TGFBR2: variants seen among roughly 807,000 people sequenced by gnomAD.
The protein encoded by TGFBR2 is transforming growth factor beta receptor 2, also known as TGF-beta receptor type-2.
A neutral mutation model predicts 49.0 loss-of-function variants in TGFBR2; 18 were observed. The ratio of observed to expected loss-of-function variants is 0.37; its 90% CI spans 0.25 to 0.54. TGFBR2 has a LOEUF of 0.54. Ranked by LOEUF, TGFBR2 falls within the 20% of genes least tolerant of loss-of-function variation. The probability of loss-of-function intolerance (pLI) is 0.85; values close to 1 mark genes in which losing one functional copy is unlikely to be tolerated. For synonymous variants in TGFBR2, 282 were observed against 275.9 expected, an observed-to-expected ratio of 1.02 and a Z score of -0.22; for missense variants, 525 against 722.6, an observed-to-expected ratio of 0.73 and a Z score of 3.13.
intron 2 of TGFBR2, among the ~76,000 whole-genome samples, chr3:30,645,950 A>T (rs1219996983): frequency 6.6e-6 from 1 of 152,214 alleles, no homozygotes; most frequent in East Asian, 1.9e-4. Flanking sequence ...CATGAACAAG[A>T]AATAACCTTG....
Position 30,614,302 on chromosome 3 carries a change from T to A in TGFBR2, c.94+7325T>A, listed in dbSNP as rs72849333. On this transcript the variant is annotated intron_variant, in intron 1 of 6. Coordinates refer to ENST00000295754, the MANE Select transcript of TGFBR2 (RefSeq NM_003242.6). ...CTTTAAAGAAAACAAGGAAAAAGGC[T>A]TCTCAGTGCTTTAGAAGATATAAGA... 7.5e-3 allele frequency among the ~76,000 whole-genome samples: 1,138 copies of A among 152,230 alleles called. 22 individuals are homozygous for A. Among genetic ancestry groups the A allele is most frequent in the African/African-American group, 0.026 (1,084 of 41,536 alleles).
In TGFBR2 at chr3:30,642,459, T is replaced by C. The variant is rs182497012; in HGVS notation, c.95-2288T>C. Among the ~76,000 whole-genome samples the C allele has an allele frequency of 1.9e-3, 288 of 152,334 alleles. 1 individual carries two copies. Among genetic ancestry groups the C allele is most frequent in the Admixed American group, 4.6e-3 (70 of 15,288 alleles). ...TCAGTTACCTTCCAGAAAAATTAAA[T>C]CAGACTATCTGGGAGTGGGACCCCT... On this transcript the variant is annotated intron_variant, in intron 1 of 6. Coordinates refer to ENST00000295754, the MANE Select transcript of TGFBR2 (RefSeq NM_003242.6).
intron 2 of TGFBR2, among the ~76,000 whole-genome samples, chr3:30,645,613 G>A (rs1252828793): frequency 6.6e-6 from 1 of 151,578 alleles, no homozygotes; most frequent in Non-Finnish European, 1.5e-5. Flanking sequence ...AGCCTTTCGA[G>A]TAGCTGGGAT....
intron 1 of TGFBR2, among the ~76,000 whole-genome samples, chr3:30,642,704 C>T (rs953762692): frequency 1.6e-4 from 24 of 152,076 alleles, no homozygotes; most frequent in African/African-American, 5.3e-4. Context: ...ATAAACAAAA[C>T]GTGGTTTCAC....
intron 1 of TGFBR2, among the ~76,000 whole-genome samples, chr3:30,639,258 C>T (rs764975504): frequency 3.9e-5 from 6 of 152,162 alleles, no homozygotes; most frequent in Non-Finnish European, 8.8e-5. Flanking sequence ...TTCGTGTGTA[C>T]TTGGCTAGGT....
intron 1 of TGFBR2, among the ~76,000 whole-genome samples, chr3:30,630,701 G>A (rs1698418626): frequency 6.6e-6 from 1 of 152,154 alleles, no homozygotes; most frequent in Non-Finnish European, 1.5e-5. Context: ...CGGAGATTTG[G>A]GGGAAGTGAT....
At chr3:30,680,170 A>G (rs891867029) in intron 5 of TGFBR2, among the ~76,000 whole-genome samples, 2 of 131,438 alleles carry the variant, frequency 1.5e-5, no homozygotes, top group African/African-American at 2.9e-5. Context: ...TATGATCAGT[A>G]TGGATACGAT....
chr3:30,631,293 G>A (rs1321596025), intron 1 of TGFBR2, among the ~76,000 whole-genome samples: 1 of 152,054 alleles, frequency 6.6e-6, no homozygotes, highest in Non-Finnish European at 1.5e-5. Flanking sequence ...ACCCACCTCG[G>A]CCTACCAGAG....
chr3:30,673,671 A>T (rs1699380205), intron 4 of TGFBR2, among the ~76,000 whole-genome samples: 2 of 152,242 alleles, frequency 1.3e-5, no homozygotes, highest in South Asian at 4.1e-4. Flanking sequence ...TCCTAAAGTG[A>T]TCAAAACTGA....
chr3:30,674,393 G>A, intron 5 of TGFBR2, 147 bp downstream of exon 5: 1 of 1,141,066 alleles, frequency 8.8e-7, no homozygotes, highest in Non-Finnish European at 1.3e-6. Flanking sequence ...AGAACTATTT[G>A]GGGTTATGCT....
intron 3 of TGFBR2, among the ~76,000 whole-genome samples, chr3:30,652,827 A>G (rs903275658): frequency 6.6e-6 from 1 of 152,160 alleles, no homozygotes; most frequent in South Asian, 2.1e-4. Flanking sequence ...AGTTGGATCT[A>G]TATTTTATCA....
At chr3:30,657,700 C>A (rs957738471) in intron 3 of TGFBR2, among the ~76,000 whole-genome samples, 2 of 152,138 alleles carry the variant, frequency 1.3e-5, no homozygotes, top group Non-Finnish European at 2.9e-5. Flanking sequence ...CTTATCTTTG[C>A]CTTTAGCTGG....
At chr3:30,668,388 C>A (rs1699278942) in intron 3 of TGFBR2, among the ~76,000 whole-genome samples, 3 of 152,166 alleles carry the variant, frequency 2.0e-5, no homozygotes. Flanking sequence ...GTACTTCAAG[C>A]AAACACATTC....
intron 5 of TGFBR2, among the ~76,000 whole-genome samples, chr3:30,679,570 A>C (rs894607084): frequency 4.6e-5 from 7 of 152,204 alleles, no homozygotes; most frequent in Non-Finnish European, 7.3e-5. Context: ...TTGAAAGTAC[A>C]TTTGGTCCAG....
intron 5 of TGFBR2, among the ~76,000 whole-genome samples, chr3:30,682,091 T>A (rs989656657): frequency 6.6e-6 from 1 of 152,176 alleles, no homozygotes; most frequent in African/African-American, 2.4e-5. Flanking sequence ...CTGGGAGGGT[T>A]CACTCCAGCC....
At chr3:30,675,862 T>A (rs958134999) in intron 5 of TGFBR2, among the ~76,000 whole-genome samples, 10 of 152,198 alleles carry the variant, frequency 6.6e-5, no homozygotes, top group African/African-American at 2.2e-4. Context: ...TCTTAATTAA[T>A]CCATATACGT....
At chr3:30,648,968 G>A (rs767992902) in intron 2 of TGFBR2, among the ~76,000 whole-genome samples, 8 of 152,308 alleles carry the variant, frequency 5.3e-5, no homozygotes, top group Non-Finnish European at 1.2e-4. Context: ...GGTGCAAGCT[G>A]TGTCTTAGCT....
chr3:30,632,228 C>T (rs17025795), intron 1 of TGFBR2, among the ~76,000 whole-genome samples: 10,974 of 152,228 alleles, frequency 0.072, 537 homozygotes, highest in East Asian at 0.25. Flanking sequence ...CTCTGCATGT[C>T]AAACTTACTA....
At chr3:30,626,211 G>A (rs1304535444) in intron 1 of TGFBR2, among the ~76,000 whole-genome samples, 1 of 152,186 alleles carries the variant, frequency 6.6e-6, no homozygotes, top group Admixed American at 6.5e-5. Flanking sequence ...ATTTCCCACA[G>A]CAAAGAAATT....
Sources: gnomAD v4.1 joint callset for allele counts (sites outside exome capture counted in the v4.1 genomes callset) on GRCh38, gnomAD v4.1.1 for gene constraint, MANE v1.5 for transcripts, NCBI Gene and HGNC (gene_info 2026-07-23, HGNC 2026-07-21) for gene names.